PCDH15: variants seen among roughly 807,000 people sequenced by gnomAD.
PCDH15 encodes protocadherin related 15.
Under a neutral mutation model 178.5 loss-of-function variants are expected in PCDH15, and 129 were observed. The observed-to-expected ratio is 0.72, with a 90% CI of 0.63 to 0.84. The LOEUF (loss-of-function observed/expected upper bound fraction) is 0.84, where lower values mean the gene tolerates loss of function less well. Among genes scored for constraint, PCDH15 ranks in the 40% least tolerant of loss-of-function variants. The pLI, the probability that PCDH15 is intolerant of heterozygous loss-of-function variation, is 0.00. For synonymous variants in PCDH15, 800 were observed against 732.0 expected (o/e 1.09, Z -1.50); for missense variants, 2,230 against 2,099.9 (o/e 1.06, Z -1.21).
In PCDH15 at chr10:54,324,594, C is replaced by T. The variant is rs562586983; in HGVS notation, c.705+5002G>A. Among the ~76,000 whole-genome samples, 6 of 152,048 alleles carry T rather than the reference C, an allele frequency of 3.9e-5. No individual in the cohort carries two copies. In the East Asian group the frequency reaches 7.8e-4, roughly 20 times the overall value. ...CAGCCTGTCCAGCACAGTGAAACTC[C>T]GTTTCTACTAAAAATACAAAAAATT... is the stretch of plus-strand genomic sequence containing the variant. On this transcript the variant is annotated intron_variant, in intron 7 of 37. Transcript: ENST00000644397.
At chr10:55,325,247 A>G (rs1844000550) in intron 2 of PCDH15, among the ~76,000 whole-genome samples, 1 of 152,104 alleles carries the variant, frequency 6.6e-6, no homozygotes, top group Non-Finnish European at 1.5e-5. Flanking sequence ...GAACCAAAAA[A>G]AGCTCAAATA....
chr10:54,508,498 T>G (rs1330859478), intron 3 of PCDH15, among the ~76,000 whole-genome samples: 2 of 152,138 alleles, frequency 1.3e-5, no homozygotes, highest in Non-Finnish European at 2.9e-5. Context: ...CTAAATGTCA[T>G]AGCATAACAT....
chr10:55,123,077 A>G (rs980352973), intron 2 of PCDH15, among the ~76,000 whole-genome samples: 2 of 152,074 alleles, frequency 1.3e-5, no homozygotes, highest in African/African-American at 4.8e-5. Flanking sequence ...TAGGATATCT[A>G]TCTCTATAAA....
At chr10:54,655,298 G>GAGAGAC (rs1390416422) in intron 2 of PCDH15, among the ~76,000 whole-genome samples, 3 of 112,530 alleles carry the variant, frequency 2.7e-5, no homozygotes, top group Non-Finnish European at 6.2e-5. Context: ...GAGAGAGAGA[G>GAGAGAC]AGAGACAGAG....
chr10:55,046,150 C>T (rs11004702), intron 2 of PCDH15, among the ~76,000 whole-genome samples: 84,689 of 151,742 alleles, frequency 0.56, 24,098 homozygotes, highest in East Asian at 0.75. Flanking sequence ...CAGATTTTTA[C>T]TGTGCTCAAT....
At chr10:55,147,721 T>G (rs577913035) in intron 2 of PCDH15, among the ~76,000 whole-genome samples, 2 of 151,764 alleles carry the variant, frequency 1.3e-5, no homozygotes, top group South Asian at 4.2e-4. Flanking sequence ...TGCAGGTTAG[T>G]TACATATGTA....
chr10:54,507,296 T>C (rs1028038712), intron 3 of PCDH15, among the ~76,000 whole-genome samples: 3 of 151,432 alleles, frequency 2.0e-5, no homozygotes, highest in Non-Finnish European at 4.4e-5. Context: ...TATTCCTGCA[T>C]AGAGTATTAT....
chr10:54,829,815 A>G (rs1276135981), intron 3 of PCDH15, among the ~76,000 whole-genome samples: 1 of 152,112 alleles, frequency 6.6e-6, no homozygotes, highest in Non-Finnish European at 1.5e-5. Context: ...AAAGCATGAA[A>G]TGTGATTCTA....
intron 8 of PCDH15, among the ~76,000 whole-genome samples, chr10:54,241,995 T>TCAAAATACAACAG (rs1470887936): frequency 1.3e-5 from 2 of 150,544 alleles, no homozygotes; most frequent in African/African-American, 4.9e-5. Context: ...TAAGACAATG[T>TCAAAATACAACAG]TTTCATGCAG....
intron 20 of PCDH15, among the ~76,000 whole-genome samples, chr10:53,999,618 T>C (rs1292005075): frequency 6.6e-6 from 1 of 152,152 alleles, no homozygotes; most frequent in African/African-American, 2.4e-5. Context: ...GGGTCTTTGA[T>C]AGTGGCACAG....
chr10:53,942,430 T>C (rs2086151032), intron 23 of PCDH15, among the ~76,000 whole-genome samples: 1 of 152,190 alleles, frequency 6.6e-6, no homozygotes, highest in Non-Finnish European at 1.5e-5. Flanking sequence ...CTCTGGTCAA[T>C]GGGGGCATTT....
intron 1 of PCDH15, among the ~76,000 whole-genome samples, chr10:55,206,481 C>T (rs1840406280): frequency 6.6e-6 from 1 of 152,044 alleles, no homozygotes; most frequent in Admixed American, 6.6e-5. Flanking sequence ...AGTTTTCTCT[C>T]AGCTTGTCTT....
intron 5 of PCDH15, among the ~76,000 whole-genome samples, chr10:54,360,879 G>T (rs1397361095): frequency 1.3e-5 from 2 of 151,910 alleles, no homozygotes; most frequent in Non-Finnish European, 2.9e-5. Context: ...CATAGGGAAA[G>T]TGCCCATCTG....
At chr10:54,776,606 T>C (rs980573615) in intron 1 of PCDH15, among the ~76,000 whole-genome samples, 3 of 152,202 alleles carry the variant, frequency 2.0e-5, no homozygotes, top group African/African-American at 7.2e-5. Context: ...GTGGAGGCCA[T>C]TCATGATATA....
chr10:53,822,208 ACT>A lies in PCDH15; in HGVS notation c.4368-1980_4368-1979del, dbSNP rs1564531908. 1.9e-6 allele frequency: 3 copies of A among 1,613,950 alleles called. No individual in the cohort carries two copies. The Admixed American group carries it at 5.0e-5, about 27-fold the overall frequency. ...CATTTAACACCTGTTATACAGACAC[ACT>A]CTGTGGACAGAAATGAAGCTGAAGG... On this transcript the variant is annotated intron_variant, in intron 32 of 37. Transcript: ENST00000644397.
intron 1 of PCDH15, among the ~76,000 whole-genome samples, chr10:55,174,684 C>T (rs6481148): frequency 0.47 from 71,486 of 151,462 alleles, 17,076 homozygotes; most frequent in East Asian, 0.67. Flanking sequence ...CTCCAGCAGG[C>T]GAGTCCAGTT....
intron 2 of PCDH15, among the ~76,000 whole-genome samples, chr10:55,162,370 G>A (rs1250730693): frequency 1.3e-5 from 2 of 152,116 alleles, no homozygotes; most frequent in Non-Finnish European, 1.5e-5. Context: ...AAAACAAAAT[G>A]TATTTTTTTC....
chr10:54,832,486 T>G (rs1039911402), intron 3 of PCDH15, among the ~76,000 whole-genome samples: 2 of 152,228 alleles, frequency 1.3e-5, no homozygotes, highest in African/African-American at 4.8e-5. Context: ...AACTGTATTA[T>G]GAAAGGTTAA....
chr10:54,391,864 T>C (rs183537797), intron 3 of PCDH15, among the ~76,000 whole-genome samples: 106 of 152,250 alleles, frequency 7.0e-4, no homozygotes, highest in Admixed American at 2.2e-3. Flanking sequence ...CCTCAAGGCA[T>C]TGTCTTCTGA....
Sources: allele counts gnomAD v4.1 joint callset (sites outside exome capture counted in the v4.1 genomes callset), GRCh38; gene constraint gnomAD v4.1.1; transcripts MANE v1.5; gene names NCBI Gene and HGNC (gene_info 2026-07-23, HGNC 2026-07-21).